The following STRBP variants were observed in gnomAD, a reference collection of about 807,000 sequenced individuals.
STRBP encodes the protein spermatid perinuclear RNA-binding protein.
Under a neutral mutation model 80.1 loss-of-function variants are expected in STRBP, and 13 were observed. The ratio of observed to expected loss-of-function variants is 0.16; its 90% CI spans 0.11 to 0.26. The LOEUF is 0.26. Among genes scored for constraint, STRBP ranks in the 10% least tolerant of loss-of-function variants. The probability of loss-of-function intolerance (pLI) is 1.00; values close to 1 mark genes in which losing one functional copy is unlikely to be tolerated. For synonymous variants in STRBP, 284 were observed against 291.2 expected (o/e 0.98, Z 0.25); for missense variants, 485 against 815.2 (o/e 0.59, Z 4.93).
intron 2 of STRBP, among the ~76,000 whole-genome samples, chr9:123,207,059 A>G (rs1490392302): frequency 6.6e-6 from 1 of 152,196 alleles, no homozygotes; most frequent in Non-Finnish European, 1.5e-5. Flanking sequence ...ATTATGTCTA[A>G]TTGCATAAAA....
downstream of STRBP, among the ~76,000 whole-genome samples, chr9:123,117,293 AG>A (rs1246570494): frequency 6.6e-6 from 1 of 152,148 alleles, no homozygotes; most frequent in Non-Finnish European, 1.5e-5. Flanking sequence ...GCCCAGAAAG[AG>A]GATGACTTGG....
At chr9:123,206,620 ATT>A (rs943183463) in intron 2 of STRBP, among the ~76,000 whole-genome samples, 2 of 150,936 alleles carry the variant, frequency 1.3e-5, no homozygotes, top group African/African-American at 2.4e-5. Flanking sequence ...CCATAATAAG[ATT>A]TTTTTTTCTT....
intron 2 of STRBP, among the ~76,000 whole-genome samples, chr9:123,195,009 T>C (rs1390618069): frequency 6.6e-6 from 1 of 152,188 alleles, no homozygotes; most frequent in African/African-American, 2.4e-5. Flanking sequence ...ATCTATATAC[T>C]GAGGATCTCC....
At chr9:123,163,257 A>C (rs1477170844) in intron 6 of STRBP, among the ~76,000 whole-genome samples, 1 of 152,224 alleles carries the variant, frequency 6.6e-6, no homozygotes, top group Non-Finnish European at 1.5e-5. Context: ...TGTAATTAGC[A>C]TCTTACTCTG....
Position 123,122,502 on chromosome 9 carries a change from G to A in STRBP, c.*3095C>T, listed in dbSNP as rs1464122227. 3.6e-5 allele frequency: 42 copies of A among 1,181,100 alleles called. No individual in the cohort carries two copies. The highest frequency in any genetic ancestry group is 4.1e-5 in the Non-Finnish European group (39 of 943,396). The allele number at this position is 1,181,100 out of a possible 1,614,324, so 73.2% of individuals were successfully genotyped here. On this transcript the variant is annotated 3_prime_UTR_variant, in exon 19 of 19. Transcript: ENST00000348403. ...AAATCTCTCAGTGGTTTGTTCCCCAGGCTAACAATTTGAGAGAGACTACAA... is the reference window on the plus strand; with the variant it reads ...AAATCTCTCAGTGGTTTGTTCCCCAAGCTAACAATTTGAGAGAGACTACAA...
At chr9:123,118,893 C>T (rs1406242495), downstream of STRBP, among the ~76,000 whole-genome samples, 3 of 152,168 alleles carry the variant, frequency 2.0e-5, no homozygotes, top group Non-Finnish European at 4.4e-5. Context: ...AAGACGTGCA[C>T]CCTCTATTTA....
At chr9:123,178,927 T>G in intron 4 of STRBP, 80 bp downstream of exon 4, 1 of 1,375,686 alleles carries the variant, frequency 7.3e-7, no homozygotes, top group Non-Finnish European at 1.0e-6. Flanking sequence ...AAAAACAGCA[T>G]AACACACACT....
chr9:123,143,397 C>T (rs912139989), intron 13 of STRBP, among the ~76,000 whole-genome samples: 3 of 152,240 alleles, frequency 2.0e-5, no homozygotes, highest in African/African-American at 7.2e-5. Flanking sequence ...TCATGTGAAA[C>T]TACTGATTTC....
exon 3 of STRBP, chr9:123,116,036 T>A: frequency 2.2e-6 from 1 of 456,292 alleles, no homozygotes; most frequent in African/African-American, 2.0e-5. Flanking sequence ...GTTCCCCAGG[T>A]GCCAATTTCC....
chr9:123,215,363 C>A (rs2039862106), intron 2 of STRBP, among the ~76,000 whole-genome samples: 1 of 152,162 alleles, frequency 6.6e-6, no homozygotes, highest in Non-Finnish European at 1.5e-5. Flanking sequence ...AGCCTGAAGC[C>A]CATTACTTAC....
intron 4 of STRBP, among the ~76,000 whole-genome samples, chr9:123,177,381 C>G (rs925831656): frequency 1.3e-5 from 2 of 152,018 alleles, no homozygotes; most frequent in Non-Finnish European, 2.9e-5. Flanking sequence ...TTCGGCAATG[C>G]AGCAAGACTC....
intron 3 of STRBP, chr9:123,114,837 TG>T (rs1250115463): frequency 4.0e-6 from 1 of 252,646 alleles, no homozygotes; most frequent in Non-Finnish European, 8.4e-6. Context: ...GGCCCAGGGT[TG>T]GGGGCCATCA....
rs1307512457 is a variant in STRBP at position 123,126,943 on chromosome 9, G to A, written c.1943-1270C>T. ...AGTTTGAATTTAGAAGGAAACCTGC[G>A]TAAGCTTATTATTGCATTAGTCTCC... On this transcript the variant is annotated intron_variant, in intron 18 of 18. Transcript: ENST00000348403. This position sits in a 1 kb window ranked among gnomAD's most constrained non-coding sequence, Gnocchi z 4.4. Among the ~76,000 whole-genome samples the A allele has an allele frequency of 1.3e-5, 2 of 152,154 alleles. No homozygotes were observed. The highest frequency in any genetic ancestry group is 2.4e-5 in the African/African-American group (1 of 41,430).
At chr9:123,232,860 C>T (rs376020740) in intron 2 of STRBP, among the ~76,000 whole-genome samples, 4 of 152,166 alleles carry the variant, frequency 2.6e-5, no homozygotes, top group Admixed American at 1.3e-4. Context: ...CTGTAGAAGA[C>T]AGCTGATTCT....
At chr9:123,161,132 T>C in intron 6 of STRBP, 64 bp from the exon 7 acceptor site, 3 of 1,193,530 alleles carry the variant, frequency 2.5e-6, no homozygotes, top group African/African-American at 3.2e-5. Context: ...TATCAAATTA[T>C]CAAACAATAA....
intron 2 of STRBP, among the ~76,000 whole-genome samples, chr9:123,214,584 C>G (rs114694122): frequency 0.014 from 2,156 of 152,204 alleles, 54 homozygotes; most frequent in African/African-American, 0.049. Flanking sequence ...ACTCATTATG[C>G]TAATAAAGGT....
chr9:123,147,122 GT>G, intron 12 of STRBP, 68 bp from the exon 13 acceptor site: 1 of 1,455,562 alleles, frequency 6.9e-7, no homozygotes, highest in Non-Finnish European at 9.4e-7. Flanking sequence ...CGTTTTTGGG[GT>G]TCCTAGTAAC....
At chr9:123,261,053 C>T (rs1445557738) in intron 1 of STRBP, among the ~76,000 whole-genome samples, 1 of 152,152 alleles carries the variant, frequency 6.6e-6, no homozygotes, top group East Asian at 1.9e-4. Context: ...GAGAGATCTA[C>T]AACTAGTAAA....
chr9:123,143,662 A>G (rs994546667), intron 13 of STRBP, among the ~76,000 whole-genome samples: 4 of 152,250 alleles, frequency 2.6e-5, no homozygotes, highest in Non-Finnish European at 5.9e-5. Context: ...CAAATTAATG[A>G]ATCATTAAAA....
Sources: gnomAD v4.1 joint callset for allele counts (sites outside exome capture counted in the v4.1 genomes callset) on GRCh38, gnomAD v4.1.1 for gene constraint, Gnocchi (gnomAD v3.1) non-coding constraint, MANE v1.5 for transcripts, NCBI Gene and HGNC (gene_info 2026-07-23, HGNC 2026-07-21) for gene names.